PPM1E: variants seen among roughly 807,000 people sequenced by gnomAD.
The protein encoded by PPM1E is protein phosphatase, Mg2+/Mn2+ dependent 1E.
A neutral mutation model predicts 65.9 loss-of-function variants in PPM1E; 20 were observed. The observed-to-expected ratio is 0.30, with a 90% CI of 0.21 to 0.44. PPM1E has a LOEUF of 0.44. Ranked by LOEUF, PPM1E falls within the 20% of genes least tolerant of loss-of-function variation. PPM1E has a pLI of 1.00. For missense variants in PPM1E, 713 were observed against 953.1 expected (o/e 0.75, Z 3.32); for synonymous variants, 352 against 374.9 (o/e 0.94, Z 0.70).
chr17:58,897,446 C>T (rs564576358), intron 1 of PPM1E, among the ~76,000 whole-genome samples: 1 of 151,920 alleles, frequency 6.6e-6, no homozygotes, highest in East Asian at 1.9e-4. Flanking sequence ...AATGCTACTG[C>T]CAATTGGTAA....
intron 1 of PPM1E, among the ~76,000 whole-genome samples, chr17:58,927,582 G>A (rs1417352160): frequency 6.6e-6 from 1 of 152,070 alleles, no homozygotes; most frequent in African/African-American, 2.4e-5. Flanking sequence ...TATCAATCAG[G>A]GGCCTTTGTT....
At chr17:58,807,428 C>A (rs776457608) in intron 1 of PPM1E, among the ~76,000 whole-genome samples, 140 of 152,032 alleles carry the variant, frequency 9.2e-4, no homozygotes, top group Non-Finnish European at 1.7e-3. Context: ...ACTTAAGTAG[C>A]AGTTAGTATA....
intron 1 of PPM1E, among the ~76,000 whole-genome samples, chr17:58,786,922 T>C (rs1406418740): frequency 1.3e-5 from 2 of 152,228 alleles, no homozygotes; most frequent in Non-Finnish European, 2.9e-5. Flanking sequence ...TTAATTTTCT[T>C]TGACACATTT....
At chr17:58,761,690 T>A (rs1016810958) in intron 1 of PPM1E, among the ~76,000 whole-genome samples, 1 of 152,210 alleles carries the variant, frequency 6.6e-6, no homozygotes, top group Non-Finnish European at 1.5e-5. Context: ...ACCTCTTCCT[T>A]GAGGAAGCCT....
rs531385252 is a variant in PPM1E, at chr17:58,782,248, T to C, written c.464+25787T>C. On this transcript the variant is annotated intron_variant, in intron 1 of 6. Transcript: ENST00000308249. ...AAAAAATTGAACAAAAAATAAGTAATCATGACCTTATGAGCTAAGACTTGG... is the reference window on the plus strand; with the variant it reads ...AAAAAATTGAACAAAAAATAAGTAACCATGACCTTATGAGCTAAGACTTGG... 3.9e-5 allele frequency among the ~76,000 whole-genome samples: 6 copies of C among 152,244 alleles called. No individual in the cohort carries two copies. In the East Asian group the frequency reaches 1.2e-3, roughly 29 times the overall value.
At chr17:58,823,593 T>A (rs746033242) in intron 1 of PPM1E, among the ~76,000 whole-genome samples, 14 of 152,192 alleles carry the variant, frequency 9.2e-5, no homozygotes, top group Non-Finnish European at 2.1e-4. Context: ...GGAAATTGTG[T>A]TTTGTATATT....
intron 1 of PPM1E, among the ~76,000 whole-genome samples, chr17:58,894,778 TA>T (rs1199482967): frequency 1.3e-5 from 2 of 152,202 alleles, no homozygotes; most frequent in Non-Finnish European, 2.9e-5. Flanking sequence ...TTATTCTTTT[TA>T]CAACTTATAT....
At chr17:58,785,121 A>G (rs1302963372) in intron 1 of PPM1E, among the ~76,000 whole-genome samples, 2 of 151,994 alleles carry the variant, frequency 1.3e-5, no homozygotes, top group East Asian at 1.9e-4. Context: ...ATTTAGGTCT[A>G]AGATTTATTT....
intron 1 of PPM1E, among the ~76,000 whole-genome samples, chr17:58,844,431 A>T (rs2050751644): frequency 6.6e-6 from 1 of 152,202 alleles, no homozygotes. Context: ...TAAAGGGATA[A>T]CTTTTCAGAA....
chr17:58,894,198 T>C (rs2051383542), intron 1 of PPM1E, among the ~76,000 whole-genome samples: 1 of 152,154 alleles, frequency 6.6e-6, no homozygotes, highest in African/African-American at 2.4e-5. Context: ...CTCAGCTCCC[T>C]GCAACCTCCA....
At chr17:58,819,549 G>A (rs1415391500) in intron 1 of PPM1E, among the ~76,000 whole-genome samples, 1 of 152,120 alleles carries the variant, frequency 6.6e-6, no homozygotes, top group Non-Finnish European at 1.5e-5. Flanking sequence ...AGAAATACCT[G>A]AGACTGGGTA....
intron 1 of PPM1E, among the ~76,000 whole-genome samples, chr17:58,906,742 T>C (rs1442337199): frequency 1.3e-5 from 2 of 152,146 alleles, no homozygotes; most frequent in African/African-American, 4.8e-5. Context: ...GCTCTTCTTT[T>C]TCCAGTTTCC....
Position 58,969,583 on chromosome 17 carries a change from G to C in PPM1E, c.828G>C (p.Gly276=). ...QAYFAVFDGH[G]GVDAAIYASI... ...ACTTTGCAGTGTTTGATGGCCATGG[G>C]GGAGTAGATGCTGCTATTTATGCCT... is the stretch of plus-strand genomic sequence containing the variant. The change falls in exon 4 of 7, where the codon GGG becomes GGC. Residue 276 remains glycine (G), a synonymous_variant. Transcript: ENST00000308249. 6.2e-7 allele frequency: 1 copy of C among 1,614,132 alleles called. No homozygotes were observed. The highest frequency in any genetic ancestry group is 8.5e-7 in the Non-Finnish European group (1 of 1,180,026).
chr17:58,873,508 C>T (rs566956240), intron 1 of PPM1E, among the ~76,000 whole-genome samples: 2 of 151,208 alleles, frequency 1.3e-5, no homozygotes, highest in Non-Finnish European at 2.9e-5. Context: ...ACAAGAGCTA[C>T]GTAGAGGTAG....
chr17:58,921,470 C>A (rs1243502876), intron 1 of PPM1E, among the ~76,000 whole-genome samples: 2 of 144,872 alleles, frequency 1.4e-5, no homozygotes, highest in Non-Finnish European at 3.0e-5. Flanking sequence ...GATCACTTGA[C>A]CCCAGGAATT....
intron 1 of PPM1E, among the ~76,000 whole-genome samples, chr17:58,894,484 G>A (rs2051387615): frequency 6.6e-6 from 1 of 152,032 alleles, no homozygotes; most frequent in Admixed American, 6.6e-5. Flanking sequence ...GCATGGATTT[G>A]GATTTGTGTT....
intron 1 of PPM1E, among the ~76,000 whole-genome samples, chr17:58,868,429 C>G (rs866710823): frequency 5.3e-5 from 8 of 152,070 alleles, no homozygotes; most frequent in Middle Eastern, 6.3e-3. Context: ...AAAGTTATTT[C>G]AGTTACTCCT....
chr17:58,959,688 T>C (rs963486692), intron 2 of PPM1E, among the ~76,000 whole-genome samples: 3 of 151,422 alleles, frequency 2.0e-5, no homozygotes, highest in Non-Finnish European at 4.4e-5. Context: ...AAAAAAAATC[T>C]TAAGTAAAAT....
chr17:58,848,990 GT>G (rs781228104), intron 1 of PPM1E, among the ~76,000 whole-genome samples: 8 of 152,088 alleles, frequency 5.3e-5, no homozygotes, highest in Non-Finnish European at 1.0e-4. Context: ...CTTCTTCCTG[GT>G]TTAGTCTTGG....
Sources: gnomAD v4.1 joint callset for allele counts (sites outside exome capture counted in the v4.1 genomes callset) on GRCh38, gnomAD v4.1.1 for gene constraint, MANE v1.5 for transcripts, NCBI Gene and HGNC (gene_info 2026-07-23, HGNC 2026-07-21) for gene names.